Variants in SLC13A1 observed in about 807,000 individuals in gnomAD.
SLC13A1 encodes Na(+)/sulfate cotransporter.
In SLC13A1, 65 loss-of-function variants were observed where a neutral mutation model predicts 70.0. The ratio of observed to expected loss-of-function variants is 0.93; its 90% CI spans 0.76 to 1.14. The LOEUF is 1.14. Ranked by LOEUF, SLC13A1 falls within the 50% of genes most tolerant of loss-of-function variation. SLC13A1 has a pLI of 0.00. For synonymous variants in SLC13A1, 275 were observed against 250.5 expected (o/e 1.10, Z -0.92); for missense variants, 726 against 717.8 (o/e 1.01, Z -0.13).
intron 1 of SLC13A1, among the ~76,000 whole-genome samples, chr7:123,185,982 TTC>T: frequency 6.6e-6 from 1 of 152,152 alleles, no homozygotes; most frequent in South Asian, 2.1e-4. Flanking sequence ...CTAATTCCTT[TTC>T]TCTATTGTGT....
At chr7:123,137,437 T>G (rs1201799610) in intron 7 of SLC13A1, among the ~76,000 whole-genome samples, 1 of 152,192 alleles carries the variant, frequency 6.6e-6, no homozygotes, top group African/African-American at 2.4e-5. Flanking sequence ...CGGGTAGGCC[T>G]AACTTAATCA....
chr7:123,125,766 G>A, intron 10 of SLC13A1, 91 bp from the exon 11 acceptor site: 1 of 859,580 alleles, frequency 1.2e-6, no homozygotes, highest in Non-Finnish European at 1.9e-6. Flanking sequence ...ATCAGTAATA[G>A]GTTATTATCA....
At chr7:123,169,424 T>C in intron 3 of SLC13A1, 89 bp from the exon 4 acceptor site, 1 of 1,232,652 alleles carries the variant, frequency 8.1e-7, no homozygotes, top group East Asian at 2.4e-5. Context: ...AGATGTGTTT[T>C]GTGAGTTGGG....
At chr7:123,136,908 A>G (rs1585311826) in intron 7 of SLC13A1, among the ~76,000 whole-genome samples, 1 of 152,174 alleles carries the variant, frequency 6.6e-6, no homozygotes, top group East Asian at 1.9e-4. Flanking sequence ...AGCAATTACA[A>G]AGTCCTTGAG....
chr7:123,187,741 A>G (rs1795855167), intron 1 of SLC13A1, among the ~76,000 whole-genome samples: 1 of 152,238 alleles, frequency 6.6e-6, no homozygotes, highest in Non-Finnish European at 1.5e-5. Flanking sequence ...TCATGTTGAT[A>G]CATGTAGATT....
chr7:123,151,920 TG>T (rs1329477171), intron 6 of SLC13A1, among the ~76,000 whole-genome samples: 2 of 152,144 alleles, frequency 1.3e-5, no homozygotes, highest in Non-Finnish European at 2.9e-5. Context: ...ACATTATCTC[TG>T]GCCTAGGTTA....
At chr7:123,139,873 C>T (rs1174626301) in intron 7 of SLC13A1, among the ~76,000 whole-genome samples, 1 of 151,972 alleles carries the variant, frequency 6.6e-6, no homozygotes, top group South Asian at 2.1e-4. Context: ...GATACTTTGA[C>T]TTTTTCCTTT....
chr7:123,143,037 T>C (rs536202871), intron 7 of SLC13A1, among the ~76,000 whole-genome samples: 11 of 152,088 alleles, frequency 7.2e-5, no homozygotes, highest in Non-Finnish European at 1.3e-4. Flanking sequence ...AGCTAGAGCC[T>C]GGAAAGGGGG....
intron 6 of SLC13A1, among the ~76,000 whole-genome samples, chr7:123,159,906 G>A (rs2116490767): frequency 6.6e-6 from 1 of 152,084 alleles, no homozygotes; most frequent in African/African-American, 2.4e-5. Flanking sequence ...AAGGATAGAG[G>A]AAATGCCAGG....
rs1794560766 is a variant in SLC13A1 at position 123,151,682 on chromosome 7, A to G, written c.661-4372T>C. 2.6e-5 allele frequency among the ~76,000 whole-genome samples: 4 copies of G among 152,098 alleles called. No homozygotes were observed. The South Asian group carries it at 8.3e-4, about 32-fold the overall frequency. On this transcript the variant is annotated intron_variant, in intron 6 of 14. Transcript: ENST00000194130. ...ATAAAAGACATAGAGAAGTTAAGTG[A>G]ATTGTTCGAGGTCCCAGAGCCTGAA...
At chr7:123,127,070 ATTC>A (rs2116299963) in intron 10 of SLC13A1, among the ~76,000 whole-genome samples, 1 of 152,252 alleles carries the variant, frequency 6.6e-6, no homozygotes, top group Admixed American at 6.5e-5. Flanking sequence ...TTTAAAAACT[ATTC>A]TTATCATATT....
At chr7:123,137,298 G>C (rs565915927) in intron 7 of SLC13A1, among the ~76,000 whole-genome samples, 15 of 152,252 alleles carry the variant, frequency 9.9e-5, no homozygotes, top group African/African-American at 3.4e-4. Flanking sequence ...TGTGTGGATG[G>C]AATCTGTGAA....
chr7:123,195,914 A>T (rs1796162221), intron 1 of SLC13A1, among the ~76,000 whole-genome samples: 1 of 152,076 alleles, frequency 6.6e-6, no homozygotes, highest in African/African-American at 2.4e-5. Flanking sequence ...CACTCTACAA[A>T]TATAATATAT....
At chr7:123,187,296 G>A (rs534876084) in intron 1 of SLC13A1, among the ~76,000 whole-genome samples, 69 of 152,000 alleles carry the variant, frequency 4.5e-4, no homozygotes, top group African/African-American at 1.4e-3. Flanking sequence ...GCAGTTCCTC[G>A]TCCCTTAAAT....
rs765865644 is a variant in SLC13A1, at chr7:123,171,923, C to A, written c.229-19G>T. The A allele has an allele frequency of 6.2e-7, 1 of 1,605,048 alleles. No homozygotes were observed. The highest frequency in any genetic ancestry group is 1.3e-5 in the African/African-American group (1 of 74,634). On this transcript the variant is annotated intron_variant, in intron 2 of 14. Transcript: ENST00000194130. ...ATGCCACCTGAAATAACAATTAAAC[C>A]CGTGATTATTTACTTTGGTGGGGAA...
intron 8 of SLC13A1, among the ~76,000 whole-genome samples, chr7:123,133,531 TTTTA>T (rs1186422399): frequency 6.6e-6 from 1 of 152,010 alleles, no homozygotes; most frequent in Admixed American, 6.6e-5. Flanking sequence ...TAATCTTTAT[TTTTA>T]TTTATTTATT....
intron 2 of SLC13A1, among the ~76,000 whole-genome samples, chr7:123,178,529 G>A (rs898860059): frequency 2.0e-5 from 3 of 152,074 alleles, no homozygotes; most frequent in African/African-American, 7.2e-5. Context: ...ACAACAATGG[G>A]TTGTGTAGCA....
chr7:123,159,861 C>A (rs1794828485), intron 6 of SLC13A1, among the ~76,000 whole-genome samples: 1 of 151,650 alleles, frequency 6.6e-6, no homozygotes, highest in Non-Finnish European at 1.5e-5. Context: ...AAGAGATACA[C>A]CTAAAATATA....
chr7:123,199,760 A>T, intron 1 of SLC13A1, 88 bp downstream of exon 1: 1 of 948,810 alleles, frequency 1.1e-6, no homozygotes, highest in Non-Finnish European at 1.7e-6. Context: ...TTCAGCTCTG[A>T]GCCAGGCAGT....
Sources: gnomAD v4.1 joint callset for allele counts (sites outside exome capture counted in the v4.1 genomes callset) on GRCh38, gnomAD v4.1.1 for gene constraint, MANE v1.5 for transcripts, NCBI Gene and HGNC (gene_info 2026-07-23, HGNC 2026-07-21) for gene names.